SYN3: variants seen among roughly 807,000 people sequenced by gnomAD.
SYN3 encodes synapsin-3.
In SYN3, 35 loss-of-function variants were observed where a neutral mutation model predicts 65.8. The ratio of observed to expected loss-of-function variants is 0.53; its 90% CI spans 0.41 to 0.70. SYN3 has a LOEUF of 0.70. Ranked by LOEUF, SYN3 falls within the 30% of genes least tolerant of loss-of-function variation. The pLI, the probability that SYN3 is intolerant of heterozygous loss-of-function variation, is 0.00. For missense variants in SYN3, 680 were observed against 749.0 expected, an observed-to-expected ratio of 0.91 and a Z score of 1.08; for synonymous variants, 270 against 292.9, an observed-to-expected ratio of 0.92 and a Z score of 0.80.
At chr22:32,895,979 G>A (rs921674686) in intron 4 of SYN3, among the ~76,000 whole-genome samples, 6 of 152,110 alleles carry the variant, frequency 3.9e-5, no homozygotes, top group Admixed American at 2.6e-4. Flanking sequence ...TCCACGTAAG[G>A]CCCTTAGAAT....
intron 12 of SYN3, among the ~76,000 whole-genome samples, chr22:32,518,956 T>G (rs1235326862): frequency 1.3e-5 from 2 of 152,100 alleles, no homozygotes; most frequent in African/African-American, 4.8e-5. Flanking sequence ...GGTGTCCTTA[T>G]AAGAGGAGAA....
At chr22:32,617,510 T>G (rs975415005) in intron 6 of SYN3, among the ~76,000 whole-genome samples, 12 of 151,754 alleles carry the variant, frequency 7.9e-5, no homozygotes, top group African/African-American at 2.9e-4. Context: ...AGCCCCTTGT[T>G]CTGAGTCATC....
intron 7 of SYN3, among the ~76,000 whole-genome samples, chr22:32,580,816 G>A (rs1018616062): frequency 1.3e-5 from 2 of 152,182 alleles, no homozygotes; most frequent in South Asian, 4.1e-4. Flanking sequence ...CCTCAAATAG[G>A]TAGCATCTGG....
At chr22:32,970,811 G>A (rs770786423) in intron 3 of SYN3, among the ~76,000 whole-genome samples, 1 of 152,198 alleles carries the variant, frequency 6.6e-6, no homozygotes, top group Non-Finnish European at 1.5e-5. Context: ...GGAAGATACT[G>A]TGGGATACGT....
chr22:32,535,676 G>A (rs1052407981), intron 9 of SYN3, among the ~76,000 whole-genome samples: 1 of 152,146 alleles, frequency 6.6e-6, no homozygotes, highest in Non-Finnish European at 1.5e-5. Context: ...GTTTTGAAAG[G>A]ATGAACCTTG....
intron 3 of SYN3, among the ~76,000 whole-genome samples, chr22:32,946,795 G>C (rs2051127216): frequency 6.6e-6 from 1 of 152,104 alleles, no homozygotes. Context: ...ATTGTTTTAG[G>C]GGGGAAAATA....
At chr22:33,050,307 C>A (rs111253779) in intron 1 of SYN3, among the ~76,000 whole-genome samples, 3,010 of 151,878 alleles carry the variant, frequency 0.02, 37 homozygotes, top group Non-Finnish European at 0.03. Context: ...CATATTGAAA[C>A]CCCATCTCTA....
intron 2 of SYN3, among the ~76,000 whole-genome samples, chr22:32,990,766 T>TTTAAAATAAAATAGAATAAAATA (rs1200227387): frequency 2.0e-5 from 3 of 152,128 alleles, no homozygotes; most frequent in Non-Finnish European, 4.4e-5. Flanking sequence ...AATAGAATAT[T>TTTAAAATAAAATAGAATAAAATA]CGCTGGCAAG....
intron 6 of SYN3, among the ~76,000 whole-genome samples, chr22:32,749,297 C>CT (rs2045037259): frequency 3.2e-5 from 2 of 63,188 alleles, no homozygotes; most frequent in Non-Finnish European, 2.6e-5. Context: ...CCTCCCAAAG[C>CT]CCCCCCCCCA....
At chr22:32,993,567 A>G (rs1601862577) in intron 2 of SYN3, among the ~76,000 whole-genome samples, 2 of 152,170 alleles carry the variant, frequency 1.3e-5, no homozygotes, top group South Asian at 2.1e-4. Flanking sequence ...GCTGGTCTCG[A>G]ACTCCTAACT....
chr22:32,971,885 C>T (rs970857214), intron 3 of SYN3, among the ~76,000 whole-genome samples: 1 of 152,204 alleles, frequency 6.6e-6, no homozygotes, highest in Admixed American at 6.5e-5. Context: ...ATTTGGGCCA[C>T]ACAGCCGTCT....
chr22:32,995,443 A>T (rs1161509802), intron 2 of SYN3, among the ~76,000 whole-genome samples: 1 of 152,208 alleles, frequency 6.6e-6, no homozygotes, highest in Admixed American at 6.5e-5. Flanking sequence ...CTAAGTATTA[A>T]CTGGGTGTCT....
chr22:32,763,772 A>G (rs2045551147), intron 6 of SYN3, among the ~76,000 whole-genome samples: 1 of 152,086 alleles, frequency 6.6e-6, no homozygotes. Flanking sequence ...CCAGGTGAGG[A>G]AAGGCCAGGA....
At chr22:32,536,995 G>T (rs1454763199) in intron 9 of SYN3, among the ~76,000 whole-genome samples, 1 of 152,160 alleles carries the variant, frequency 6.6e-6, no homozygotes, top group Non-Finnish European at 1.5e-5. Context: ...AACATGGCCT[G>T]CAGTAGGTAC....
chr22:33,038,255 G>C (rs1027142609), intron 1 of SYN3, among the ~76,000 whole-genome samples: 1 of 152,238 alleles, frequency 6.6e-6, no homozygotes, highest in African/African-American at 2.4e-5. Context: ...GAGGGAAGCA[G>C]AGCCTTCACA....
At chr22:32,683,663 G>A (rs1267307023) in intron 6 of SYN3, among the ~76,000 whole-genome samples, 2 of 152,096 alleles carry the variant, frequency 1.3e-5, no homozygotes, top group Non-Finnish European at 2.9e-5. Flanking sequence ...TCACATGGCC[G>A]TCTTCTATAA....
chr22:32,994,242 G>A (rs923670877), intron 2 of SYN3, among the ~76,000 whole-genome samples: 3 of 152,074 alleles, frequency 2.0e-5, no homozygotes, highest in South Asian at 2.1e-4. Context: ...TCCAGGCGAC[G>A]GGGTAGGCTG....
At chr22:32,591,924 C>T (rs923864391) in intron 7 of SYN3, among the ~76,000 whole-genome samples, 2 of 152,174 alleles carry the variant, frequency 1.3e-5, no homozygotes, top group East Asian at 1.9e-4. Context: ...GCCACCCACC[C>T]GTTAGCCACT....
chr22:32,588,177 C>T (rs1005126624), intron 7 of SYN3, among the ~76,000 whole-genome samples: 2 of 152,192 alleles, frequency 1.3e-5, no homozygotes, highest in African/African-American at 4.8e-5. Context: ...TGGAATGGGG[C>T]TGAACGATTT....
Sources: allele counts gnomAD v4.1 joint callset (sites outside exome capture counted in the v4.1 genomes callset), GRCh38; gene constraint gnomAD v4.1.1; transcripts MANE v1.5; gene names NCBI Gene and HGNC (gene_info 2026-07-23, HGNC 2026-07-21).